The following WFDC8 variants were observed in gnomAD, a reference collection of about 807,000 sequenced individuals.
The protein encoded by WFDC8 is WAP four-disulfide core domain 8.
Under a neutral mutation model 27.0 loss-of-function variants are expected in WFDC8, and 24 were observed. That is an observed-to-expected ratio of 0.89 (90% CI 0.64 to 1.25). The LOEUF is 1.25. Ranked by LOEUF, WFDC8 falls within the 50% of genes most tolerant of loss-of-function variation. The pLI is 0.00. For missense variants in WFDC8, 287 were observed against 295.9 expected (o/e 0.97, Z 0.22); for synonymous variants, 106 against 99.7 (o/e 1.06, Z -0.38).
At chr20:45,553,028 T>G in intron 5 of WFDC8, 108 bp downstream of exon 5, 1 of 1,355,100 alleles carries the variant, frequency 7.4e-7, no homozygotes, top group Non-Finnish European at 1.0e-6. Context: ...TCCTCAAAGA[T>G]GAGCCCAAGG....
chr20:45,551,262 T>C (rs1487967841), downstream of WFDC8: 1 of 152,144 alleles, frequency 6.6e-6, no homozygotes, highest in East Asian at 1.9e-4. Context: ...GACTGTATGC[T>C]TAAAAGGTAT....
chr20:45,578,966 G>A (rs1981139773), intron 1 of WFDC8, among the ~76,000 whole-genome samples: 1 of 152,008 alleles, frequency 6.6e-6, no homozygotes, highest in African/African-American at 2.4e-5. Flanking sequence ...ACTTAGCCGA[G>A]CGTGGTGGCG....
chr20:45,551,892 A>G lies in WFDC8; in HGVS notation c.*134T>C. The G allele has an allele frequency of 8.8e-7, 1 of 1,132,904 alleles. No homozygotes were observed. Among genetic ancestry groups the G allele is most frequent in the East Asian group, 2.5e-5 (1 of 40,118 alleles). 70.2% of individuals were successfully genotyped at this position (1,132,904 alleles called of 1,614,324 possible). Reference sequence around the variant, plus strand: ...ACTTTCAGATGATGGGATTATATATAAAATCAAAGTAACATCATTCAATAT... The same window carrying G: ...ACTTTCAGATGATGGGATTATATATGAAATCAAAGTAACATCATTCAATAT... On this transcript the variant is annotated 3_prime_UTR_variant, in exon 6 of 6. Coordinates refer to ENST00000289953, the MANE Select transcript of WFDC8 (RefSeq NM_130896.3).
chr20:45,551,617 CAAAAAAA>C, downstream of WFDC8: 1 of 122,318 alleles, frequency 8.2e-6, no homozygotes, highest in Non-Finnish European at 1.7e-5. Flanking sequence ...CTCCGTCTCA[CAAAAAAA>C]AAAAAAAAGA....
intron 4 of WFDC8, among the ~76,000 whole-genome samples, 191 bp from the exon 5 acceptor site, chr20:45,553,467 G>A (rs148208668): frequency 3.3e-5 from 5 of 152,256 alleles, no homozygotes; most frequent in Admixed American, 1.3e-4. Context: ...GAGCATGCTG[G>A]GCTTGGTGCC....
rs1484592925 is a variant in WFDC8 at position 45,574,207 on chromosome 20, T to C, written c.26+5015A>G. Among the ~76,000 whole-genome samples the C allele has an allele frequency of 2.6e-5, 4 of 152,168 alleles. 1 individual carries two copies. Among genetic ancestry groups the C allele is most frequent in the Admixed American group, 2.6e-4 (4 of 15,268 alleles). On this transcript the variant is annotated intron_variant, in intron 1 of 5. Transcript: ENST00000289953. Reference sequence around the variant, plus strand: ...TAGATCAACAAGTAAGGAGATTTAATTGGTAATTAAAAGTCTCTTATCGAA... The same window carrying C: ...TAGATCAACAAGTAAGGAGATTTAACTGGTAATTAAAAGTCTCTTATCGAA...
chr20:45,569,093 C>T (rs1426266057), intron 1 of WFDC8, among the ~76,000 whole-genome samples: 3 of 152,172 alleles, frequency 2.0e-5, no homozygotes, highest in African/African-American at 7.2e-5. Context: ...AAATCCAATC[C>T]TGCTTGATTT....
intron 1 of WFDC8, among the ~76,000 whole-genome samples, chr20:45,572,155 C>T (rs974699695): frequency 3.3e-5 from 5 of 152,126 alleles, no homozygotes; most frequent in Admixed American, 2.6e-4. Context: ...AATCCCAGCA[C>T]TTTGGGAGGC....
In WFDC8 at chr20:45,551,789, T is replaced by C; in HGVS notation, c.*237A>G. ...GATGCCATTGCCTTTATTTTCATTA[T>C]TATTTTGGAGGTTCTACACAATACA... On this transcript the variant is annotated 3_prime_UTR_variant, in exon 6 of 6. Transcript: ENST00000289953. The C allele has an allele frequency of 2.5e-6, 1 of 401,512 alleles. No individual in the cohort carries two copies. The highest frequency in any genetic ancestry group is 2.1e-5 in the African/African-American group (1 of 48,776). 24.9% of individuals were successfully genotyped at this position (401,512 alleles called of 1,614,324 possible).
intron 1 of WFDC8, among the ~76,000 whole-genome samples, chr20:45,569,472 T>G (rs6104232): frequency 2.0e-5 from 3 of 151,974 alleles, no homozygotes; most frequent in Non-Finnish European, 4.4e-5. Flanking sequence ...AAAAATTAAT[T>G]CATAAGAAAA....
downstream of WFDC8, chr20:45,551,617 CAAA>C (rs11479142): frequency 0.39 from 48,432 of 124,636 alleles, 8,048 homozygotes; most frequent in Non-Finnish European, 0.44. Flanking sequence ...CTCCGTCTCA[CAAA>C]AAAAAAAAAA....
chr20:45,557,395 T>G (rs1481941874), intron 3 of WFDC8, among the ~76,000 whole-genome samples: 1 of 152,168 alleles, frequency 6.6e-6, no homozygotes, highest in Non-Finnish European at 1.5e-5. Context: ...ATGGTTCCTA[T>G]TTTGATTAAT....
intron 1 of WFDC8, among the ~76,000 whole-genome samples, chr20:45,566,609 G>T (rs1980686400): frequency 6.6e-6 from 1 of 152,146 alleles, no homozygotes; most frequent in African/African-American, 2.4e-5. Context: ...GTTGCAGTGA[G>T]CCAGGATTGC....
intron 1 of WFDC8, among the ~76,000 whole-genome samples, chr20:45,567,502 G>A (rs1002843141): frequency 1.1e-4 from 17 of 152,250 alleles, no homozygotes; most frequent in African/African-American, 2.9e-4. Context: ...CACACAGCTC[G>A]GTCAGAAACG....
intron 1 of WFDC8, among the ~76,000 whole-genome samples, chr20:45,573,585 AG>A (rs1378020454): frequency 6.6e-6 from 1 of 152,222 alleles, no homozygotes; most frequent in Non-Finnish European, 1.5e-5. Context: ...TTCTTAACTT[AG>A]AATAATGGCC....
At chr20:45,564,507 T>C (rs1397021408) in intron 1 of WFDC8, among the ~76,000 whole-genome samples, 1 of 151,974 alleles carries the variant, frequency 6.6e-6, no homozygotes, top group African/African-American at 2.4e-5. Context: ...CCGTCTATAC[T>C]AAACAAAATA....
chr20:45,569,684 C>T (rs1379965572), intron 1 of WFDC8, among the ~76,000 whole-genome samples: 1 of 152,052 alleles, frequency 6.6e-6, no homozygotes, highest in Non-Finnish European at 1.5e-5. Flanking sequence ...AGGAAGGGGT[C>T]CAGTTTCAGT....
intron 3 of WFDC8, among the ~76,000 whole-genome samples, chr20:45,557,120 G>A (rs1384035655): frequency 2.0e-5 from 3 of 152,116 alleles, no homozygotes; most frequent in South Asian, 4.1e-4. Context: ...CTGCCACAAC[G>A]CCCAACCACA....
chr20:45,569,417 T>A (rs573224155), intron 1 of WFDC8, among the ~76,000 whole-genome samples: 2 of 152,348 alleles, frequency 1.3e-5, no homozygotes, highest in East Asian at 1.9e-4. Flanking sequence ...TGTGTTTATT[T>A]ACATGTTCAT....
Sources: allele counts gnomAD v4.1 joint callset (sites outside exome capture counted in the v4.1 genomes callset), GRCh38; gene constraint gnomAD v4.1.1; transcripts MANE v1.5; gene names NCBI Gene and HGNC (gene_info 2026-07-23, HGNC 2026-07-21).